GALNT13: variants seen among roughly 807,000 people sequenced by gnomAD.
GALNT13 encodes UDP-GalNAc:polypeptide N-acetylgalactosaminyltransferase 13.
A neutral mutation model predicts 64.2 loss-of-function variants in GALNT13; 28 were observed. The ratio of observed to expected loss-of-function variants is 0.44; its 90% CI spans 0.32 to 0.60. The LOEUF (loss-of-function observed/expected upper bound fraction) is 0.60. Among genes scored for constraint, GALNT13 ranks in the 20% least tolerant of loss-of-function variants. The pLI, the probability that GALNT13 is intolerant of heterozygous loss-of-function variation, is 0.05. For missense variants in GALNT13, 577 were observed against 669.8 expected (o/e 0.86, Z 1.53); for synonymous variants, 214 against 224.6 (o/e 0.95, Z 0.42).
chr2:154,205,827 A>T (rs1687413941), intron 4 of GALNT13, among the ~76,000 whole-genome samples: 3 of 152,134 alleles, frequency 2.0e-5, no homozygotes, highest in Non-Finnish European at 4.4e-5. Context: ...ATTCCAAAAG[A>T]TAATTTATTT....
At chr2:153,784,214 A>T in the GALNT13 span, among the ~76,000 whole-genome samples, 1 of 152,330 alleles carries the variant, frequency 6.6e-6, no homozygotes, top group South Asian at 2.1e-4. Context: ...AAATGCTGAT[A>T]GTAATGTGGA....
the GALNT13 span, among the ~76,000 whole-genome samples, chr2:153,648,861 G>A: frequency 1.3e-5 from 2 of 152,054 alleles, no homozygotes; most frequent in Non-Finnish European, 2.9e-5. Flanking sequence ...TGCTGGATTC[G>A]GTTTGCTAGT....
At chr2:153,898,557 A>G (rs975097629) in intron 1 of GALNT13, among the ~76,000 whole-genome samples, 11 of 152,130 alleles carry the variant, frequency 7.2e-5, no homozygotes, top group Non-Finnish European at 8.8e-5. Context: ...TCTGAAAGGC[A>G]TGTCCATGGT....
chr2:153,434,761 G>T, the GALNT13 span, among the ~76,000 whole-genome samples: 31 of 151,944 alleles, frequency 2.0e-4, no homozygotes, highest in Non-Finnish European at 3.1e-4. Context: ...TGCAAAAATT[G>T]TCTCCCATTT....
At chr2:153,206,097 A>G in the GALNT13 span, among the ~76,000 whole-genome samples, 4 of 152,112 alleles carry the variant, frequency 2.6e-5, no homozygotes, top group Admixed American at 2.6e-4. Flanking sequence ...TCTTTTATAC[A>G]TACTAGCATT....
At chr2:153,997,568 T>C (rs1303228496) in intron 3 of GALNT13, among the ~76,000 whole-genome samples, 1 of 152,156 alleles carries the variant, frequency 6.6e-6, no homozygotes, top group Non-Finnish European at 1.5e-5. Context: ...TCTAACAGTT[T>C]TGTGGTGGTA....
At chr2:153,209,870 G>A in the GALNT13 span, among the ~76,000 whole-genome samples, 2 of 151,992 alleles carry the variant, frequency 1.3e-5, no homozygotes, top group African/African-American at 4.8e-5. Context: ...ATTTTAGGAG[G>A]ACAAGTTTTT....
chr2:154,000,402 T>TG (rs1255416687), intron 3 of GALNT13, among the ~76,000 whole-genome samples: 1 of 152,032 alleles, frequency 6.6e-6, no homozygotes, highest in Admixed American at 6.6e-5. Flanking sequence ...CATTAGGTTG[T>TG]TTATTTGAAA....
the GALNT13 span, among the ~76,000 whole-genome samples, chr2:153,569,815 C>A: frequency 2.6e-5 from 4 of 152,004 alleles, no homozygotes; most frequent in African/African-American, 9.7e-5. Context: ...CCCCTATTAA[C>A]CTTGCTCACT....
the GALNT13 span, among the ~76,000 whole-genome samples, chr2:153,847,859 G>T: frequency 6.6e-6 from 1 of 152,098 alleles, no homozygotes; most frequent in African/African-American, 2.4e-5. Context: ...GGTGAAGTGT[G>T]AAAGTACAAA....
chr2:153,725,149 C>G, the GALNT13 span, among the ~76,000 whole-genome samples: 10 of 146,298 alleles, frequency 6.8e-5, no homozygotes, highest in Admixed American at 1.4e-4. Context: ...AGTTCATGTC[C>G]TTTGTAGGGA....
At chr2:154,225,890 A>C (rs997848862) in intron 4 of GALNT13, among the ~76,000 whole-genome samples, 1 of 152,104 alleles carries the variant, frequency 6.6e-6, no homozygotes, top group African/African-American at 2.4e-5. Flanking sequence ...TCTGTGCAAC[A>C]GTCCTTCCTT....
intron 2 of GALNT13, among the ~76,000 whole-genome samples, chr2:153,910,161 T>C (rs1688843698): frequency 2.6e-5 from 4 of 151,974 alleles, no homozygotes; most frequent in Admixed American, 2.0e-4. Flanking sequence ...CCTGGTTTAG[T>C]CATGGGAGGG....
At chr2:153,077,436 A>G in the GALNT13 span, among the ~76,000 whole-genome samples, 2 of 151,886 alleles carry the variant, frequency 1.3e-5, no homozygotes, top group African/African-American at 4.8e-5. Flanking sequence ...TAGTGCTCTG[A>G]TAACGAAGTG....
the GALNT13 span, among the ~76,000 whole-genome samples, chr2:153,097,251 T>C: frequency 1.3e-5 from 2 of 152,160 alleles, no homozygotes; most frequent in Admixed American, 6.5e-5. Context: ...ATTATTATTT[T>C]TGATCAGTTC....
At chr2:153,843,603 C>A in the GALNT13 span, among the ~76,000 whole-genome samples, 1 of 152,202 alleles carries the variant, frequency 6.6e-6, no homozygotes, top group Admixed American at 6.5e-5. Flanking sequence ...CCAATAGTCA[C>A]CCAAACTCTT....
intron 9 of GALNT13, among the ~76,000 whole-genome samples, chr2:154,303,682 T>C (rs1693574912): frequency 6.6e-6 from 1 of 152,076 alleles, no homozygotes; most frequent in South Asian, 2.1e-4. Context: ...TCTAATGAGA[T>C]TGTATGGTCA....
chr2:153,936,909 G>T (rs1287525375), intron 2 of GALNT13, among the ~76,000 whole-genome samples: 1 of 151,952 alleles, frequency 6.6e-6, no homozygotes, highest in Non-Finnish European at 1.5e-5. Flanking sequence ...TGTAGAGACG[G>T]GGTTTCACTG....
chr2:153,092,933 C>G, the GALNT13 span, among the ~76,000 whole-genome samples: 1 of 151,520 alleles, frequency 6.6e-6, no homozygotes, highest in Non-Finnish European at 1.5e-5. Flanking sequence ...ATGTTCCAGA[C>G]CTTAGAGGAA....
Sources: gnomAD v4.1 joint callset for allele counts (sites outside exome capture counted in the v4.1 genomes callset) on GRCh38, gnomAD v4.1.1 for gene constraint, MANE v1.5 for transcripts, NCBI Gene and HGNC (gene_info 2026-07-23, HGNC 2026-07-21) for gene names.